The following ERBB4 variants were observed in gnomAD, a reference collection of about 807,000 sequenced individuals.
ERBB4 encodes the protein erb-b2 receptor tyrosine kinase 4, also known as receptor tyrosine-protein kinase erbB-4.
ERBB4 carries 42 observed loss-of-function variants against 158.0 expected under a neutral mutation model. The ratio of observed to expected loss-of-function variants is 0.27; its 90% CI spans 0.21 to 0.34. The LOEUF is 0.34. ERBB4 is among the 10% of genes least tolerant of loss of function. ERBB4 has a pLI of 1.00. For synonymous variants in ERBB4, 583 were observed against 558.7 expected (o/e 1.04, Z -0.61); for missense variants, 1,333 against 1,624.1 (o/e 0.82, Z 3.08).
chr2:211,975,756 T>C (rs2081588842), intron 2 of ERBB4, among the ~76,000 whole-genome samples: 1 of 152,132 alleles, frequency 6.6e-6, no homozygotes, highest in Non-Finnish European at 1.5e-5. Flanking sequence ...AGTAACAGAA[T>C]TCACAGGAAA....
chr2:212,327,685 T>C (rs973424705), intron 1 of ERBB4, among the ~76,000 whole-genome samples: 4 of 151,184 alleles, frequency 2.6e-5, no homozygotes, highest in African/African-American at 7.3e-5. Context: ...TTTGGGAAAA[T>C]AGTCTAAAAC....
At chr2:211,421,948 C>T (rs957240883) in intron 24 of ERBB4, 59 bp downstream of exon 24, 2 of 996,976 alleles carry the variant, frequency 2.0e-6, no homozygotes, top group Non-Finnish European at 3.2e-6. Context: ...TGATACTACT[C>T]ATTTTGCAGT....
intron 19 of ERBB4, among the ~76,000 whole-genome samples, chr2:211,564,290 CAAG>C (rs2067487898): frequency 1.3e-5 from 2 of 152,088 alleles, no homozygotes; most frequent in South Asian, 2.1e-4. Flanking sequence ...CTAAACAGAG[CAAG>C]AAGAACTGTT....
At chr2:212,431,251 G>T (rs1309160834) in intron 1 of ERBB4, among the ~76,000 whole-genome samples, 1 of 135,738 alleles carries the variant, frequency 7.4e-6, no homozygotes, top group Non-Finnish European at 1.5e-5. Flanking sequence ...TCCTTTCATG[G>T]TCTTCTTCAT....
At chr2:212,450,834 A>C (rs2092435018) in intron 1 of ERBB4, among the ~76,000 whole-genome samples, 1 of 151,670 alleles carries the variant, frequency 6.6e-6, no homozygotes. Flanking sequence ...AAAAAAAAAA[A>C]AAAAAACAAG....
chr2:212,013,599 A>G (rs1433304673), intron 2 of ERBB4, among the ~76,000 whole-genome samples: 1 of 152,330 alleles, frequency 6.6e-6, no homozygotes, highest in African/African-American at 2.4e-5. Context: ...TTCCCCTTAT[A>G]AAACAGGGAA....
chr2:212,008,414 T>G (rs1490176275), intron 2 of ERBB4, among the ~76,000 whole-genome samples: 1 of 152,078 alleles, frequency 6.6e-6, no homozygotes, highest in Non-Finnish European at 1.5e-5. Context: ...TATCATTACG[T>G]TGGACACCAA....
intron 1 of ERBB4, among the ~76,000 whole-genome samples, chr2:212,373,881 GTATATATCCATATA>G (rs1235628146): frequency 4.7e-5 from 5 of 105,350 alleles, no homozygotes; most frequent in Admixed American, 3.0e-4. Context: ...ATATATCCAT[GTATATATCCATATA>G]TATATATCCA....
chr2:211,584,265 G>A (rs188325028), intron 19 of ERBB4, among the ~76,000 whole-genome samples: 4 of 151,674 alleles, frequency 2.6e-5, no homozygotes, highest in Non-Finnish European at 4.4e-5. Context: ...CTATTTTGGG[G>A]TATTTTGTTT....
At chr2:212,410,813 G>A (rs1213440005) in intron 1 of ERBB4, among the ~76,000 whole-genome samples, 3 of 151,996 alleles carry the variant, frequency 2.0e-5, no homozygotes, top group African/African-American at 7.2e-5. Flanking sequence ...TATTCACCAT[G>A]TAAGACTCTA....
At chr2:211,408,165 G>A (rs1190812771) in intron 25 of ERBB4, among the ~76,000 whole-genome samples, 5 of 152,138 alleles carry the variant, frequency 3.3e-5, no homozygotes, top group Non-Finnish European at 5.9e-5. Context: ...ATGATAATGT[G>A]CCACTTCTAT....
Position 211,578,037 on chromosome 2 carries a change from C to A in ERBB4, c.2302-15949G>T, listed in dbSNP as rs558792765. ...AGTCAAACTCTGTAGATAATATGAT[C>A]CCACATCAAGAAAACCCCATTGTCT... On this transcript the variant is annotated intron_variant, in intron 19 of 27. Transcript: ENST00000342788. 3.1e-4 allele frequency among the ~76,000 whole-genome samples: 47 copies of A among 151,768 alleles called. 1 individual carries two copies. The highest frequency in any genetic ancestry group is 1.1e-3 in the African/African-American group (45 of 41,446).
intron 17 of ERBB4, among the ~76,000 whole-genome samples, chr2:211,628,051 T>C (rs1293272198): frequency 2.0e-5 from 3 of 152,230 alleles, no homozygotes; most frequent in African/African-American, 2.4e-5. Flanking sequence ...GATCATTGAC[T>C]ACTAATTTAA....
At chr2:212,016,504 C>T (rs909156738) in intron 2 of ERBB4, among the ~76,000 whole-genome samples, 1 of 151,896 alleles carries the variant, frequency 6.6e-6, no homozygotes, top group Non-Finnish European at 1.5e-5. Flanking sequence ...ACTGGCATAT[C>T]ATGCAAATTT....
At chr2:211,557,452 A>C (rs2067264881) in intron 20 of ERBB4, among the ~76,000 whole-genome samples, 1 of 152,222 alleles carries the variant, frequency 6.6e-6, no homozygotes, top group African/African-American at 2.4e-5. Flanking sequence ...AAGTGGGCAA[A>C]GGACATGAAC....
At chr2:211,699,572 TA>T (rs1559431853) in intron 12 of ERBB4, among the ~76,000 whole-genome samples, 1 of 152,104 alleles carries the variant, frequency 6.6e-6, no homozygotes. Context: ...TCATGCAAAA[TA>T]CATTTATTCT....
In ERBB4 at chr2:211,562,017, G is replaced by C; in HGVS notation, c.2373C>G (p.Thr791=). The C allele has an allele frequency of 6.2e-7, 1 of 1,614,132 alleles. No homozygotes were observed. The highest frequency in any genetic ancestry group is 8.5e-7 in the Non-Finnish European group (1 of 1,180,034). Reference sequence around the variant, plus strand: ...GCATAAGTTGAGTAACCAGCTGGATGGTTGGGCTCAGACACACACCCAGCA... The same window carrying C: ...GCATAAGTTGAGTAACCAGCTGGATCGTTGGGCTCAGACACACACCCAGCA... ...VRLLGVCLSP[T]IQLVTQLMPH... is the part of the protein sequence containing the mutation. Residue 791 remains threonine (T), a synonymous_variant, in exon 20 of 28, where the codon ACC becomes ACG. Coordinates refer to ENST00000342788, the MANE Select transcript of ERBB4 (RefSeq NM_005235.3).
At chr2:211,981,073 T>C in intron 2 of ERBB4, among the ~76,000 whole-genome samples, 1 of 132,638 alleles carries the variant, frequency 7.5e-6, no homozygotes, top group African/African-American at 2.5e-5. Flanking sequence ...GTTCATTTAG[T>C]TAAAATTAAC....
At chr2:211,701,683 G>GAGGCGGA (rs1237883235) in intron 12 of ERBB4, among the ~76,000 whole-genome samples, 1 of 148,246 alleles carries the variant, frequency 6.7e-6, no homozygotes, top group Admixed American at 6.8e-5. Context: ...GTGAACCTGG[G>GAGGCGGA]AGGCGGAGCT....
Sources: allele counts gnomAD v4.1 joint callset (sites outside exome capture counted in the v4.1 genomes callset), GRCh38; gene constraint gnomAD v4.1.1; transcripts MANE v1.5; gene names NCBI Gene and HGNC (gene_info 2026-07-23, HGNC 2026-07-21).